Variants in ATR observed in about 807,000 individuals in gnomAD.
The protein encoded by ATR is serine/threonine-protein kinase ATR.
Under a neutral mutation model 305.3 loss-of-function variants are expected in ATR, and 142 were observed. That is an observed-to-expected ratio of 0.47 (90% CI 0.41 to 0.53). The LOEUF is 0.53. Ranked by LOEUF, ATR falls within the 20% of genes least tolerant of loss-of-function variation. The pLI is 0.00. For missense variants in ATR, 2,135 were observed against 3,133.1 expected, an observed-to-expected ratio of 0.68 and a Z score of 7.60; for synonymous variants, 1,050 against 1,068.1, an observed-to-expected ratio of 0.98 and a Z score of 0.33.
At chr3:142,543,645 CCTTT>C (rs2034148392) in intron 16 of ATR, among the ~76,000 whole-genome samples, 1 of 150,686 alleles carries the variant, frequency 6.6e-6, no homozygotes, top group South Asian at 2.1e-4. Flanking sequence ...TTTCTTTCCT[CCTTT>C]CTCTCTCTTT....
rs747654205 is a variant in ATR at position 142,535,151 on chromosome 3, T to C, written c.3874A>G (p.Ile1292Val). Reference protein sequence around the residue: ...QTTLQLSMKAIQHENVDVRIH... With the variant: ...QTTLQLSMKAVQHENVDVRIH... ...CGAACATCGACATTTTCATGTTGAATGGCCTTCATAGAGAGCTGAAGAGTT... is the reference window on the plus strand; with the variant it reads ...CGAACATCGACATTTTCATGTTGAACGGCCTTCATAGAGAGCTGAAGAGTT... The change falls in exon 21 of 47, where the codon ATT (isoleucine) becomes GTT (valine). Residue 1292 changes from isoleucine to valine, a missense_variant. Around this residue, in one of 9 missense-constraint regions of ATR, gnomAD observed 530 missense variants for 766.8 expected, o/e 0.69. Coordinates refer to ENST00000350721, the MANE Select transcript of ATR (RefSeq NM_001184.4). 1.9e-6 allele frequency: 3 copies of C among 1,613,304 alleles called. No homozygotes were observed. The highest frequency in any genetic ancestry group is 1.7e-4 in the Middle Eastern group (1 of 6,048).
chr3:142,529,328 T>C (rs1368144907), intron 21 of ATR, among the ~76,000 whole-genome samples: 7 of 152,154 alleles, frequency 4.6e-5, no homozygotes, highest in Admixed American at 3.3e-4. Flanking sequence ...CGGTGTAAAA[T>C]GGTATATTTT....
chr3:142,535,200 G>T lies in ATR; in HGVS notation c.3825C>A (p.Thr1275=), dbSNP rs770718443. 2 of 1,612,944 alleles carry T rather than the reference G, an allele frequency of 1.2e-6. No individual in the cohort carries two copies. Among genetic ancestry groups the T allele is most frequent in the South Asian group, 2.2e-5 (2 of 91,054 alleles). ...KAVLQEYRKE[T]SESTDLQTTL... Reference sequence around the variant, plus strand: ...TTGTCTGAAGATCAGTGCTCTCAGAGGTCTCCTATATACAAAGCACAGAGA... The same window carrying T: ...TTGTCTGAAGATCAGTGCTCTCAGATGTCTCCTATATACAAAGCACAGAGA... The change falls in exon 21 of 47, where the codon ACC becomes ACA. Residue 1275 remains threonine, a synonymous_variant. Transcript: ENST00000350721.
At chr3:142,501,079 C>A (rs2031934046) in intron 30 of ATR, among the ~76,000 whole-genome samples, 1 of 152,100 alleles carries the variant, frequency 6.6e-6, no homozygotes, top group African/African-American at 2.4e-5. Flanking sequence ...TTGTTTAATG[C>A]AAACAGAAAT....
chr3:142,558,603 C>T (rs1461661663), intron 8 of ATR, 21 bp downstream of exon 8: 19 of 1,600,276 alleles, frequency 1.2e-5, no homozygotes, highest in Non-Finnish European at 1.6e-5. Flanking sequence ...AAACCACACA[C>T]ACATTCTTGT....
chr3:142,463,460 G>A (rs950592784), intron 41 of ATR, among the ~76,000 whole-genome samples: 2 of 152,138 alleles, frequency 1.3e-5, no homozygotes, highest in African/African-American at 4.8e-5. Context: ...GCAGTGGCAC[G>A]ATCTGGGCTC....
chr3:142,514,090 A>T (rs2032734307), intron 25 of ATR, among the ~76,000 whole-genome samples: 1 of 151,724 alleles, frequency 6.6e-6, no homozygotes, highest in Non-Finnish European at 1.5e-5. Flanking sequence ...CAACATGGTG[A>T]AACCCAGTCT....
chr3:142,479,447 CGA>C (rs1181739245), intron 36 of ATR, among the ~76,000 whole-genome samples: 4 of 152,234 alleles, frequency 2.6e-5, no homozygotes. Context: ...GAATTTCTGC[CGA>C]GAGATCAGCT....
intron 28 of ATR, among the ~76,000 whole-genome samples, chr3:142,506,497 A>G (rs901859169): frequency 8.2e-4 from 125 of 152,014 alleles, no homozygotes; most frequent in African/African-American, 2.8e-3. Context: ...AGGCCAGCCC[A>G]GGCAACATGG....
chr3:142,503,570 T>TA, intron 29 of ATR, 117 bp from the exon 30 acceptor site: 2 of 472,920 alleles, frequency 4.2e-6, no homozygotes, highest in Middle Eastern at 6.5e-4. Context: ...CCCTTATTTT[T>TA]TTATTATTAT....
intron 16 of ATR, among the ~76,000 whole-genome samples, chr3:142,543,832 G>A (rs771674758): frequency 6.6e-6 from 1 of 151,892 alleles, no homozygotes; most frequent in African/African-American, 2.4e-5. Flanking sequence ...ACCTCGCCCA[G>A]CTAATTTTTT....
At chr3:142,511,158 A>C (rs1261408298) in intron 27 of ATR, among the ~76,000 whole-genome samples, 2 of 152,168 alleles carry the variant, frequency 1.3e-5, no homozygotes, top group South Asian at 2.1e-4. Context: ...GATTACAAAG[A>C]ATATTTTCCA....
At chr3:142,537,814 A>G (rs1301381755) in intron 19 of ATR, among the ~76,000 whole-genome samples, 1 of 152,204 alleles carries the variant, frequency 6.6e-6, no homozygotes, top group Non-Finnish European at 1.5e-5. Flanking sequence ...ACAAATGGGA[A>G]AGAATAATGC....
chr3:142,511,904 A>C (rs745967086), intron 27 of ATR, among the ~76,000 whole-genome samples: 1 of 152,122 alleles, frequency 6.6e-6, no homozygotes, highest in Admixed American at 6.5e-5. Context: ...ACCTGAGGTC[A>C]GGAGTTCGAG....
intron 4 of ATR, 44 bp from the exon 5 acceptor site, chr3:142,561,465 T>C: frequency 6.5e-7 from 1 of 1,528,404 alleles, no homozygotes. Context: ...CCTTAGAAAA[T>C]ATATTTATAT....
intron 45 of ATR, among the ~76,000 whole-genome samples, chr3:142,456,879 T>C (rs1437800151): frequency 1.3e-5 from 2 of 152,208 alleles, no homozygotes; most frequent in Non-Finnish European, 2.9e-5. Flanking sequence ...ACAACTGCTT[T>C]GGAAAATGAT....
At position 142,562,897 on chromosome 3, in the gene ATR, C is replaced by T. The variant is rs550530464; in HGVS notation, c.505G>A (p.Val169Met). Residue 169 changes from valine to methionine, a missense_variant, in exon 4 of 47, where the codon GTG (valine) becomes ATG (methionine). Physicochemically the swap from Val to Met is conservative, Grantham distance 21 (BLOSUM62 1). Coordinates refer to ENST00000350721, the MANE Select transcript of ATR (RefSeq NM_001184.4). ...LHRRNVMGHAVEWPVVMSRFL... is the reference protein window; with the variant it reads ...LHRRNVMGHAMEWPVVMSRFL... Reference sequence around the variant, plus strand: ...CGGCTCATGACCACTGGCCATTCCACAGCATGACCCATCACATTTCTTCTA... The same window carrying T: ...CGGCTCATGACCACTGGCCATTCCATAGCATGACCCATCACATTTCTTCTA... 1.2e-6 allele frequency: 2 copies of T among 1,613,496 alleles called. No individual in the cohort carries two copies. Among genetic ancestry groups the T allele is most frequent in the South Asian group, 2.2e-5 (2 of 90,794 alleles).
At position 142,498,896 on chromosome 3, in the gene ATR, T is replaced by C. The variant is rs1046953861; in HGVS notation, c.5381-122A>G. On this transcript the variant is annotated intron_variant, in intron 31 of 46. Coordinates refer to ENST00000350721, the MANE Select transcript of ATR (RefSeq NM_001184.4). ...AGGTGGCTTCATTCCTTTTTTTTTT[T>C]TTGAGACAGAGTCTCACTCTGTGGT... is the stretch of plus-strand genomic sequence containing the variant. 1.2e-5 allele frequency: 12 copies of C among 973,820 alleles called. No individual in the cohort carries two copies. The African/African-American group carries it at 1.6e-4, about 13-fold the overall frequency. The allele number at this position is 973,820 out of a possible 1,614,324, so 60.3% of individuals were successfully genotyped here.
At position 142,535,179 on chromosome 3, in the gene ATR, C is replaced by A. The variant is rs773177654; in HGVS notation, c.3846G>T (p.Gln1282His). The change falls in exon 21 of 47, where the codon CAG (glutamine) becomes CAT (histidine). Residue 1282 changes from glutamine to histidine, a missense_variant. Coordinates refer to ENST00000350721, the MANE Select transcript of ATR (RefSeq NM_001184.4). ...RKETSESTDLQTTLQLSMKAI... is the reference protein window; with the variant it reads ...RKETSESTDLHTTLQLSMKAI... ...CCTTCATAGAGAGCTGAAGAGTTGT[C>A]TGAAGATCAGTGCTCTCAGAGGTCT... The A allele has an allele frequency of 1.2e-6, 2 of 1,613,048 alleles. No homozygotes were observed. The highest frequency in any genetic ancestry group is 1.7e-6 in the Non-Finnish European group (2 of 1,179,446).
Sources: gnomAD v4.1 joint callset for allele counts (sites outside exome capture counted in the v4.1 genomes callset) on GRCh38, gnomAD v4.1.1 for gene constraint, gnomAD v4.1.1 regional missense constraint, MANE v1.5 for transcripts, NCBI Gene and HGNC (gene_info 2026-07-23, HGNC 2026-07-21) for gene names.